COL24A1: variants seen among roughly 807,000 people sequenced by gnomAD.
COL24A1 encodes the protein collagen type XXIV alpha 1 chain, also known as collagen alpha-1(XXIV) chain.
Under a neutral mutation model 253.9 loss-of-function variants are expected in COL24A1, and 224 were observed. The ratio of observed to expected loss-of-function variants is 0.88; its 90% confidence interval spans 0.79 to 0.99. The LOEUF is 0.99. COL24A1 is among the 50% of genes least tolerant of loss of function. The probability of loss-of-function intolerance (pLI) is 0.00; values close to 1 mark genes in which losing one functional copy is unlikely to be tolerated. For synonymous variants in COL24A1, 685 were observed against 673.7 expected (o/e 1.02, Z -0.26); for missense variants, 2,131 against 2,068.5 (o/e 1.03, Z -0.59).
At chr1:85,747,525 A>G (rs1431482653) in intron 55 of COL24A1, among the ~76,000 whole-genome samples, 2 of 152,132 alleles carry the variant, frequency 1.3e-5, no homozygotes, top group Non-Finnish European at 2.9e-5. Flanking sequence ...ATATTTTTAT[A>G]AAAATTAACT....
chr1:86,059,671 C>T (rs1700933662), intron 8 of COL24A1, among the ~76,000 whole-genome samples: 1 of 152,110 alleles, frequency 6.6e-6, no homozygotes, highest in African/African-American at 2.4e-5. Context: ...GTGGCAAATA[C>T]CGTTATCATG....
chr1:86,126,029 C>T lies in COL24A1; in HGVS notation c.307G>A (p.Gly103Arg), dbSNP rs773992208. Reference protein sequence around the residue: ...PFVKILPVNLGQPFTILTGLQ... With the variant: ...PFVKILPVNLRQPFTILTGLQ... ...CCAGTTAATATTGTAAACGGCTGCC[C>T]CAAGTTGACTGGTAAAATTTTCACG... Residue 103 changes from glycine to arginine, a missense_variant, in exon 3 of 60, where the codon GGG becomes AGG. Coordinates refer to ENST00000370571, the MANE Select transcript of COL24A1 (RefSeq NM_152890.7). 3 of 1,613,540 alleles carry T rather than the reference C, an allele frequency of 1.9e-6. No individual in the cohort carries two copies. Among genetic ancestry groups the T allele is most frequent in the South Asian group, 1.1e-5 (1 of 91,062 alleles).
chr1:85,740,852 G>A (rs1451752494), intron 57 of COL24A1, among the ~76,000 whole-genome samples: 2 of 146,030 alleles, frequency 1.4e-5, no homozygotes, highest in Non-Finnish European at 3.0e-5. Flanking sequence ...GCTCACGCCT[G>A]TAATCCCAGC....
At position 86,010,619 on chromosome 1, in the gene COL24A1, G is replaced by A. The variant is rs569415750; in HGVS notation, c.2310+6532C>T. On this transcript the variant is annotated intron_variant, in intron 19 of 59. Coordinates refer to ENST00000370571, the MANE Select transcript of COL24A1 (RefSeq NM_152890.7). ...TCACCATGAAGATACACCTCCAACC[G>A]TATAGAAATACATAAGAAGCACAAG... 5.9e-4 allele frequency among the ~76,000 whole-genome samples: 90 copies of A among 152,186 alleles called. 1 individual carries two copies. Among genetic ancestry groups the A allele is most frequent in the Middle Eastern group, 3.4e-3 (1 of 294 alleles).
At chr1:86,005,569 C>A (rs1395701070) in intron 19 of COL24A1, among the ~76,000 whole-genome samples, 2 of 151,910 alleles carry the variant, frequency 1.3e-5, no homozygotes, top group Non-Finnish European at 2.9e-5. Context: ...GTCTACTGAA[C>A]ACATTTAAAG....
At chr1:85,803,457 C>CAAAA (rs1671648332) in intron 47 of COL24A1, among the ~76,000 whole-genome samples, 1 of 147,810 alleles carries the variant, frequency 6.8e-6, no homozygotes, top group African/African-American at 2.5e-5. Context: ...CATAAACAAA[C>CAAAA]AAAACAAAAC....
chr1:85,973,888 C>A (rs553108100), intron 20 of COL24A1, among the ~76,000 whole-genome samples: 1 of 151,966 alleles, frequency 6.6e-6, no homozygotes, highest in African/African-American at 2.4e-5. Context: ...AAGAAACACA[C>A]CTAAAATATA....
At chr1:85,735,083 C>T (rs2100818128) in intron 58 of COL24A1, 119 bp from the exon 59 acceptor site, 1 of 833,996 alleles carries the variant, frequency 1.2e-6, no homozygotes. Flanking sequence ...TTCCTTGGAA[C>T]TGAAGTGCCA....
At chr1:86,019,174 G>T (rs1697257475) in intron 18 of COL24A1, among the ~76,000 whole-genome samples, 1 of 152,078 alleles carries the variant, frequency 6.6e-6, no homozygotes, top group Non-Finnish European at 1.5e-5. Flanking sequence ...TATAATAACT[G>T]ATTCTGCATA....
intron 19 of COL24A1, among the ~76,000 whole-genome samples, chr1:85,991,001 G>A (rs1694202982): frequency 6.6e-6 from 1 of 152,166 alleles, no homozygotes; most frequent in Admixed American, 6.5e-5. Context: ...TCTCCATTTT[G>A]CAATGATACA....
intron 24 of COL24A1, among the ~76,000 whole-genome samples, chr1:85,939,780 T>G (rs1189245316): frequency 1.3e-5 from 2 of 152,170 alleles, no homozygotes; most frequent in African/African-American, 4.8e-5. Flanking sequence ...AATTTTACTA[T>G]GCCAGTATCT....
chr1:86,016,179 T>C (rs1696976220), intron 19 of COL24A1, among the ~76,000 whole-genome samples: 1 of 152,088 alleles, frequency 6.6e-6, no homozygotes, highest in African/African-American at 2.4e-5. Flanking sequence ...TTTTAGATTT[T>C]TGAACTGTCA....
At chr1:85,956,126 G>C (rs1164974790) in intron 24 of COL24A1, among the ~76,000 whole-genome samples, 3 of 152,172 alleles carry the variant, frequency 2.0e-5, no homozygotes, top group African/African-American at 7.2e-5. Flanking sequence ...CTTACTCACT[G>C]TATGAATTTG....
At chr1:85,885,808 T>C (rs1207474238) in intron 32 of COL24A1, among the ~76,000 whole-genome samples, 1 of 152,162 alleles carries the variant, frequency 6.6e-6, no homozygotes, top group Non-Finnish European at 1.5e-5. Context: ...CAGAAGTATT[T>C]TTTGTATATG....
intron 47 of COL24A1, among the ~76,000 whole-genome samples, chr1:85,792,680 C>G (rs1355286053): frequency 6.6e-6 from 1 of 151,708 alleles, no homozygotes; most frequent in African/African-American, 2.4e-5. Flanking sequence ...TGCACTCTAG[C>G]CTGGGCAACA....
chr1:86,050,038 T>C, intron 11 of COL24A1, 86 bp downstream of exon 11: 1 of 1,165,460 alleles, frequency 8.6e-7, no homozygotes, highest in Non-Finnish European at 1.2e-6. Flanking sequence ...TAAGATTACT[T>C]CCCTGACATC....
At chr1:86,045,068 C>T (rs1699793461) in intron 12 of COL24A1, among the ~76,000 whole-genome samples, 1 of 152,160 alleles carries the variant, frequency 6.6e-6, no homozygotes, top group African/African-American at 2.4e-5. Flanking sequence ...CAGCTCACTG[C>T]AACCTTATTC....
Position 85,945,019 on chromosome 1 carries a change from T to TGTTTTTTG in COL24A1, c.2562+16229_2562+16230insCAAAAAAC, listed in dbSNP as rs1558752642. Among the ~76,000 whole-genome samples, 9 of 73,390 alleles carry TGTTTTTTG rather than the reference T, an allele frequency of 1.2e-4. 1 individual carries two copies. In the East Asian group the frequency reaches 3.0e-3, roughly 24 times the overall value. The allele number at this position is 73,390 out of a possible 152,430, so 48.1% of individuals were successfully genotyped here. On this transcript the variant is annotated intron_variant, in intron 24 of 59. Coordinates refer to ENST00000370571, the MANE Select transcript of COL24A1 (RefSeq NM_152890.7). ...ATCATTGTGTTTTTTTTTTTTTTTT[T>TGTTTTTTG]TTTTTTTTTTTTTTTTGAGACAGAG...
At chr1:85,803,107 T>C (rs529225329) in intron 47 of COL24A1, among the ~76,000 whole-genome samples, 4 of 152,268 alleles carry the variant, frequency 2.6e-5, no homozygotes, top group African/African-American at 4.8e-5. Context: ...ATGTTAGAAA[T>C]ATGTTAAACA....
Sources: gnomAD v4.1 joint callset for allele counts (sites outside exome capture counted in the v4.1 genomes callset) on GRCh38, gnomAD v4.1.1 for gene constraint, MANE v1.5 for transcripts, NCBI Gene and HGNC (gene_info 2026-07-23, HGNC 2026-07-21) for gene names.